ROBO2: variants seen among roughly 807,000 people sequenced by gnomAD.
ROBO2 encodes the protein roundabout guidance receptor 2.
A neutral mutation model predicts 160.8 loss-of-function variants in ROBO2; 53 were observed. The observed-to-expected ratio is 0.33, with a 90% CI of 0.26 to 0.41. ROBO2 has a LOEUF of 0.41. Among genes scored for constraint, ROBO2 ranks in the 10% least tolerant of loss-of-function variants. The pLI is 1.00. For missense variants in ROBO2, 1,577 were observed against 1,722.4 expected (o/e 0.92, Z 1.49); for synonymous variants, 664 against 611.7 (o/e 1.09, Z -1.26).
intron 2 of ROBO2, among the ~76,000 whole-genome samples, chr3:76,181,845 A>C (rs1299721656): frequency 5.3e-5 from 8 of 152,134 alleles, no homozygotes; most frequent in Non-Finnish European, 8.8e-5. Context: ...GAGTATGTTC[A>C]ACTCTATAAA....
intron 2 of ROBO2, among the ~76,000 whole-genome samples, chr3:76,157,429 T>C (rs1215419775): frequency 1.3e-5 from 2 of 152,196 alleles, no homozygotes; most frequent in Non-Finnish European, 2.9e-5. Flanking sequence ...GTATTTATTG[T>C]AGCAGAGTAA....
intron 2 of ROBO2, among the ~76,000 whole-genome samples, chr3:76,902,751 A>G (rs1166734393): frequency 6.6e-6 from 1 of 151,902 alleles, no homozygotes; most frequent in Non-Finnish European, 1.5e-5. Flanking sequence ...ATTCTTATTA[A>G]TTGTAGAATT....
At chr3:77,577,303 T>C (rs922164396) in intron 14 of ROBO2, among the ~76,000 whole-genome samples, 187 bp from the exon 16 acceptor site, 1 of 152,148 alleles carries the variant, frequency 6.6e-6, no homozygotes, top group South Asian at 2.1e-4. Context: ...TTCCATTTGC[T>C]TTAAATCTAG....
intron 2 of ROBO2, among the ~76,000 whole-genome samples, chr3:76,729,457 T>G (rs562418188): frequency 1.6e-4 from 25 of 152,248 alleles, no homozygotes; most frequent in African/African-American, 6.0e-4. Context: ...TGAGGTTTAA[T>G]CTACCCATAC....
intron 1 of ROBO2, among the ~76,000 whole-genome samples, chr3:77,043,792 C>T (rs539902775): frequency 2.0e-5 from 3 of 152,136 alleles, no homozygotes; most frequent in African/African-American, 2.4e-5. Flanking sequence ...TTTTATAATA[C>T]TTGTGAAAAG....
chr3:77,243,845 G>A (rs893965372), intron 2 of ROBO2, among the ~76,000 whole-genome samples: 1 of 152,174 alleles, frequency 6.6e-6, no homozygotes, highest in Non-Finnish European at 1.5e-5. Flanking sequence ...CAAGGCAAAT[G>A]TCATGTTATG....
chr3:77,032,033 G>A (rs149409408), intron 2 of ROBO2, among the ~76,000 whole-genome samples: 1 of 152,198 alleles, frequency 6.6e-6, no homozygotes, highest in Admixed American at 6.5e-5. Flanking sequence ...TTTCTTTTAT[G>A]AGGACACTAG....
rs1470820243 is a variant in ROBO2, at chr3:76,643,624, AT to A, written c.110-454386del. Among the ~76,000 whole-genome samples the A allele has an allele frequency of 3.3e-5, 5 of 151,816 alleles. No homozygotes were observed. The East Asian group carries it at 9.7e-4, about 29-fold the overall frequency. On this transcript the variant is annotated intron_variant, in intron 2 of 26. Coordinates refer to the ROBO2 transcript ENST00000487694. ...TGTGCAAAAGTATGTTTGTGTTATT[AT>A]TTTGTGCTTTGTTTTAGCTTAATAC...
At chr3:76,183,557 T>C (rs1002611498) in intron 2 of ROBO2, among the ~76,000 whole-genome samples, 1 of 152,112 alleles carries the variant, frequency 6.6e-6, no homozygotes, top group Non-Finnish European at 1.5e-5. Context: ...ATTCATTCAT[T>C]TGTTCATTCA....
chr3:76,875,934 G>A (rs551577061), intron 2 of ROBO2, among the ~76,000 whole-genome samples: 14 of 152,008 alleles, frequency 9.2e-5, no homozygotes, highest in African/African-American at 1.9e-4. Flanking sequence ...AATTACAGGC[G>A]TGAGCTACCA....
chr3:76,060,177 T>G (rs981305080), intron 2 of ROBO2, among the ~76,000 whole-genome samples: 1 of 152,202 alleles, frequency 6.6e-6, no homozygotes, highest in African/African-American at 2.4e-5. Context: ...ATAAATCATT[T>G]CCATGCTCTT....
chr3:76,901,344 G>A (rs138505564), intron 2 of ROBO2, among the ~76,000 whole-genome samples: 159 of 151,716 alleles, frequency 1.0e-3, no homozygotes, highest in African/African-American at 3.7e-3. Context: ...TTCAATCCCT[G>A]GCTCATAATA....
chr3:76,584,319 T>C (rs2085892181), intron 2 of ROBO2, among the ~76,000 whole-genome samples: 1 of 127,818 alleles, frequency 7.8e-6, no homozygotes, highest in Non-Finnish European at 1.8e-5. Flanking sequence ...AAGACTTCAA[T>C]ATATGATTCC....
At chr3:76,881,385 G>A (rs572838354) in intron 2 of ROBO2, among the ~76,000 whole-genome samples, 1 of 152,260 alleles carries the variant, frequency 6.6e-6, no homozygotes, top group Admixed American at 6.5e-5. Flanking sequence ...GAAATGTGCA[G>A]GGTCCTTAGA....
chr3:77,171,530 C>A (rs551064441), intron 2 of ROBO2, among the ~76,000 whole-genome samples: 1 of 152,292 alleles, frequency 6.6e-6, no homozygotes, highest in South Asian at 2.1e-4. Context: ...TATTTGTATT[C>A]TTTACAGAAA....
At chr3:77,064,134 T>C (rs572081852) in intron 1 of ROBO2, among the ~76,000 whole-genome samples, 1 of 152,348 alleles carries the variant, frequency 6.6e-6, no homozygotes, top group Non-Finnish European at 1.5e-5. Context: ...TCACTTATTA[T>C]GCTTTTTGTT....
intron 2 of ROBO2, among the ~76,000 whole-genome samples, chr3:76,777,965 C>T (rs1333382356): frequency 6.6e-6 from 1 of 151,114 alleles, no homozygotes; most frequent in Admixed American, 6.6e-5. Flanking sequence ...CCATAGGCCC[C>T]TCTAATGGAG....
chr3:76,587,108 T>C (rs1346197291), intron 2 of ROBO2, among the ~76,000 whole-genome samples: 1 of 152,232 alleles, frequency 6.6e-6, no homozygotes, highest in African/African-American at 2.4e-5. Flanking sequence ...TTCTGTCAGC[T>C]TTCCTAGTTA....
intron 2 of ROBO2, among the ~76,000 whole-genome samples, chr3:76,028,960 C>A (rs1407882093): frequency 2.0e-5 from 3 of 152,006 alleles, no homozygotes; most frequent in Admixed American, 6.6e-5. Flanking sequence ...GGCAGTGATG[C>A]TATGAGCATA....
Sources: allele counts gnomAD v4.1 joint callset (sites outside exome capture counted in the v4.1 genomes callset), GRCh38; gene constraint gnomAD v4.1.1; transcripts MANE v1.5; gene names NCBI Gene and HGNC (gene_info 2026-07-23, HGNC 2026-07-21).